The following TMED7 variants were observed in gnomAD, a reference collection of about 807,000 sequenced individuals.
TMED7 encodes the protein transmembrane p24 trafficking protein 7, also known as transmembrane emp24 domain-containing protein 7.
In TMED7, 8 loss-of-function variants were observed where a neutral mutation model predicts 23.4. The ratio of observed to expected loss-of-function variants is 0.34; its 90% CI spans 0.20 to 0.62. The LOEUF (loss-of-function observed/expected upper bound fraction) is 0.62. Ranked by LOEUF, TMED7 falls within the 20% of genes least tolerant of loss-of-function variation. The pLI is 0.77. For synonymous variants in TMED7, 121 were observed against 108.5 expected, an observed-to-expected ratio of 1.12 and a Z score of -0.72; for missense variants, 232 against 279.1, an observed-to-expected ratio of 0.83 and a Z score of 1.20.
At chr5:115,616,839 T>G (rs1465092260) in intron 2 of TMED7, among the ~76,000 whole-genome samples, 1 of 152,136 alleles carries the variant, frequency 6.6e-6, no homozygotes, top group Non-Finnish European at 1.5e-5. Flanking sequence ...AATGAGAATA[T>G]AAGTCAAAGC....
At chr5:115,625,552 A>G (rs1239394640) in intron 1 of TMED7, 49 bp downstream of exon 1, 1 of 1,472,082 alleles carries the variant, frequency 6.8e-7, no homozygotes. Context: ...TTACACCCCC[A>G]ATCCTGGAGC....
rs1351829326 is a variant in TMED7 at position 115,616,083 on chromosome 5, T to A, written c.*126A>T. ...ACAGTTTGGGAATATGCATTGTACA[T>A]CCCTCCCAACAAGTGTATGAGTAAG... On this transcript the variant is annotated 3_prime_UTR_variant, in exon 3 of 3. Transcript: ENST00000456936. The A allele has an allele frequency of 1.1e-6, 1 of 916,950 alleles. No homozygotes were observed. The highest frequency in any genetic ancestry group is 1.7e-5 in the African/African-American group (1 of 59,594). The allele number at this position is 916,950 out of a possible 1,614,324, so 56.8% of individuals were successfully genotyped here.
chr5:115,616,188 G>T lies in TMED7; in HGVS notation c.*21C>A, dbSNP rs1040253800. On this transcript the variant is annotated 3_prime_UTR_variant, in exon 3 of 3. Coordinates refer to ENST00000456936, the MANE Select transcript of TMED7 (RefSeq NM_181836.6). ...ACAGCAATATTACAGTGGCAATGGT[G>T]CATCAATTCTCAAAACGTAGTTATG... 2 of 1,602,834 alleles carry T rather than the reference G, an allele frequency of 1.2e-6. No homozygotes were observed. The highest frequency in any genetic ancestry group is 1.7e-6 in the Non-Finnish European group (2 of 1,169,874).
At position 115,625,774 on chromosome 5, in the gene TMED7, C is replaced by G. The variant is rs1757193626; in HGVS notation, c.19G>C (p.Ala7Pro). The G allele has an allele frequency of 6.9e-7, 1 of 1,459,116 alleles. No individual in the cohort carries two copies. Among genetic ancestry groups the G allele is most frequent in the Non-Finnish European group, 9.0e-7 (1 of 1,109,520 alleles). The allele number at this position is 1,459,116 out of a possible 1,614,324, so 90.4% of individuals were successfully genotyped here. The stretch of plus-strand genomic sequence containing the variant: ...CCCGCGACGGCCGCCCAGCGCTGCG[C>G]GGACCCCGGCCGCGGCATCCCGAGA... Reference protein sequence around the residue: MPRPGSAQRWAAVAGRW... With the variant: MPRPGSPQRWAAVAGRW... The change falls in exon 1 of 3, where the codon GCG becomes CCG. Residue 7 changes from alanine to proline, a missense_variant. Coordinates refer to ENST00000456936, the MANE Select transcript of TMED7 (RefSeq NM_181836.6).
intron 1 of TMED7, among the ~76,000 whole-genome samples, chr5:115,622,337 A>G (rs1580457728): frequency 6.6e-6 from 1 of 152,160 alleles, no homozygotes; most frequent in Non-Finnish European, 1.5e-5. Flanking sequence ...AACTGTCCCT[A>G]TCTATCCATA....
chr5:115,624,247 C>T (rs72817141), intron 1 of TMED7, among the ~76,000 whole-genome samples: 2,326 of 152,264 alleles, frequency 0.015, 36 homozygotes, highest in Non-Finnish European at 0.02. Flanking sequence ...TGGTGCTAAT[C>T]CATGAAGGTA....
In TMED7 at chr5:115,625,636, T is replaced by C. The variant is rs1414601432; in HGVS notation, c.157A>G (p.Ile53Val). The change falls in exon 1 of 3, where the codon ATC becomes GTC. Residue 53 changes from isoleucine (I) to valine (V), a missense_variant. Around this residue, in one of 2 missense-constraint regions of TMED7, gnomAD observed 106 missense variants for 97.0 expected, o/e 1.09. Coordinates refer to ENST00000456936, the MANE Select transcript of TMED7 (RefSeq NM_181836.6). Reference sequence around the variant, plus strand: ...AGGGTGCACTTGGTGCCCTGAGCGATGTCCTCGTAGAAGCACTGCTTGGCG... The same window carrying C: ...AGGGTGCACTTGGTGCCCTGAGCGACGTCCTCGTAGAAGCACTGCTTGGCG... The part of the protein sequence containing the change: ...DNAKQCFYED[I>V]AQGTKCTLEF... 6.2e-7 allele frequency: 1 copy of C among 1,600,684 alleles called. No individual in the cohort carries two copies. Among genetic ancestry groups the C allele is most frequent in the Non-Finnish European group, 8.5e-7 (1 of 1,174,136 alleles).
chr5:115,625,716 A>G lies in TMED7; in HGVS notation c.77T>C (p.Leu26Pro), dbSNP rs1561592775. ...GGCGCCGCCGGGTCCAGGCACCAGT[A>G]GCAGCAGTGCGAGCAGCCTGCACCC... Reference protein sequence around the residue: ...RWGCRLLALLLLVPGPGGASE... With the variant: ...RWGCRLLALLPLVPGPGGASE... The change falls in exon 1 of 3, where the codon CTA (leucine) becomes CCA (proline). Residue 26 changes from leucine (L) to proline (P), a missense_variant. By Grantham distance (98) the Leu-to-Pro change is moderately conservative. This residue lies in a region of TMED7 where 106 missense variants were observed against 97.0 expected (regional missense o/e 1.09). Coordinates refer to ENST00000456936, the MANE Select transcript of TMED7 (RefSeq NM_181836.6). 2 of 1,599,986 alleles carry G rather than the reference A, an allele frequency of 1.3e-6. No homozygotes were observed. Among genetic ancestry groups the G allele is most frequent in the Non-Finnish European group, 1.7e-6 (2 of 1,174,590 alleles).
chr5:115,625,661 G>T lies in TMED7; in HGVS notation c.132C>A (p.Asn44Lys). ...TGTCCTCGTAGAAGCACTGCTTGGC[G>T]TTGTCAGGAAGCTCGAAGGTGATCT... ...ASEITFELPD[N>K]AKQCFYEDIA... The change falls in exon 1 of 3, where the codon AAC (asparagine) becomes AAA (lysine). Residue 44 changes from asparagine (N) to lysine (K), a missense_variant. Around this residue, in one of 2 missense-constraint regions of TMED7, gnomAD observed 106 missense variants for 97.0 expected, o/e 1.09. Coordinates refer to ENST00000456936, the MANE Select transcript of TMED7 (RefSeq NM_181836.6). The T allele has an allele frequency of 4.4e-6, 7 of 1,602,754 alleles. No homozygotes were observed. Among genetic ancestry groups the T allele is most frequent in the Non-Finnish European group, 6.0e-6 (7 of 1,175,298 alleles).
Position 115,620,446 on chromosome 5 carries a change from C to A in TMED7, c.427G>T (p.Ala143Ser). The A allele has an allele frequency of 6.5e-7, 1 of 1,527,406 alleles. No individual in the cohort carries two copies. Among genetic ancestry groups the A allele is most frequent in the Non-Finnish European group, 8.8e-7 (1 of 1,140,054 alleles). The allele number at this position is 1,527,406 out of a possible 1,614,324, so 94.6% of individuals were successfully genotyped here. A position where few individuals can be genotyped will look rare whatever the true frequency, so the allele number is the denominator to read the frequency against. ...ATTTTTTTATTTACCTGGGTAAGAG[C>A]ACTGACTCGGTTCTCACTAGGAAAC... is the stretch of plus-strand genomic sequence containing the variant. ...PLFPSENRVS[A>S]LTQMESACVS... The change falls in exon 2 of 3, where the codon GCT (alanine) becomes TCT (serine). Residue 143 changes from alanine to serine, a missense_variant. Physicochemically the swap from Ala to Ser is moderately conservative, Grantham distance 99. Transcript: ENST00000456936.
Position 115,621,199 on chromosome 5 carries a change from T to A in TMED7, c.193-519A>T, listed in dbSNP as rs187951538. Among the ~76,000 whole-genome samples, 7 of 152,288 alleles carry A rather than the reference T, an allele frequency of 4.6e-5. No individual in the cohort carries two copies. The East Asian group carries it at 1.2e-3, about 25-fold the overall frequency. On this transcript the variant is annotated intron_variant, in intron 1 of 2. Coordinates refer to ENST00000456936, the MANE Select transcript of TMED7 (RefSeq NM_181836.6). Reference sequence around the variant, plus strand: ...TAACAAGGTAGGCCAATCCTTAGGATTACACCCCATTCATACTTCTATCAT... The same window carrying A: ...TAACAAGGTAGGCCAATCCTTAGGAATACACCCCATTCATACTTCTATCAT...
intron 1 of TMED7, among the ~76,000 whole-genome samples, chr5:115,622,224 C>G (rs1757054873): frequency 6.6e-6 from 1 of 152,124 alleles, no homozygotes. Flanking sequence ...TTATCATCAC[C>G]CCACTTCTCT....
In TMED7 at chr5:115,625,870, G is replaced by A; in HGVS notation, c.-78C>T. On this transcript the variant is annotated 5_prime_UTR_variant, in exon 1 of 3. Transcript: ENST00000456936. ...TGCGCGGACTCACCGCGCGCGGCAGGCCTCAGCGCAGGCCACCCCGCAAAG... is the reference window on the plus strand; with the variant it reads ...TGCGCGGACTCACCGCGCGCGGCAGACCTCAGCGCAGGCCACCCCGCAAAG... 1 of 1,329,948 alleles carries A rather than the reference G, an allele frequency of 7.5e-7. No individual in the cohort carries two copies. The highest frequency in any genetic ancestry group is 9.6e-7 in the Non-Finnish European group (1 of 1,047,048). The allele number at this position is 1,329,948 out of a possible 1,614,324, so 82.4% of individuals were successfully genotyped here.
At chr5:115,623,242 C>T (rs571780111) in intron 1 of TMED7, among the ~76,000 whole-genome samples, 1 of 152,328 alleles carries the variant, frequency 6.6e-6, no homozygotes, top group East Asian at 1.9e-4. Context: ...AGATCTGGAA[C>T]CACCCAAGTG....
rs1429647054 is a variant in TMED7, at chr5:115,613,263, C to T, written c.*2946G>A. ...AAAAATTAAGACCTCTTTAGAGCAA[C>T]TGATGATTTAACTGCTTTTCACCTA... On this transcript the variant is annotated 3_prime_UTR_variant, in exon 3 of 3. Transcript: ENST00000456936. Among the ~76,000 whole-genome samples, 1 of 152,144 alleles carries T rather than the reference C, an allele frequency of 6.6e-6. No homozygotes were observed. Among genetic ancestry groups the T allele is most frequent in the East Asian group, 1.9e-4 (1 of 5,198 alleles).
At position 115,625,116 on chromosome 5, in the gene TMED7, C is replaced by T. The variant is rs539774443; in HGVS notation, c.192+485G>A. ...TATCACAGCAATTCTTTCTACAACT[C>T]CCTTGGCAAATGGCCGTTCAACCTG... On this transcript the variant is annotated intron_variant, in intron 1 of 2. Coordinates refer to ENST00000456936, the MANE Select transcript of TMED7 (RefSeq NM_181836.6). Among the ~76,000 whole-genome samples the T allele has an allele frequency of 3.3e-5, 5 of 152,356 alleles. No individual in the cohort carries two copies. In the East Asian group the frequency reaches 9.6e-4, roughly 29 times the overall value.
At position 115,616,211 on chromosome 5, in the gene TMED7, A is replaced by C; in HGVS notation, c.673T>G (p.Ter225GluextTer6). 6.2e-7 allele frequency: 1 copy of C among 1,613,812 alleles called. No homozygotes were observed. The highest frequency in any genetic ancestry group is 8.5e-7 in the Non-Finnish European group (1 of 1,179,680). ...KRTTTTRVGS[*>E] The stretch of plus-strand genomic sequence containing the variant: ...GTGCATCAATTCTCAAAACGTAGTT[A>C]TGATCCAACACGAGTTGTGGTGGTT... Residue 225 changes from the stop codon to glutamate (E), a stop_lost, in exon 3 of 3, where the codon TAA becomes GAA. Transcript: ENST00000456936.
chr5:115,621,999 CTG>C (rs1277368398), intron 1 of TMED7, among the ~76,000 whole-genome samples: 2 of 152,058 alleles, frequency 1.3e-5, no homozygotes, highest in Non-Finnish European at 2.9e-5. Context: ...ACTTATGAAA[CTG>C]TAAAAATATG....
In TMED7 at chr5:115,614,622, C is replaced by T. The variant is rs1041268654; in HGVS notation, c.*1587G>A. The T allele has an allele frequency of 6.6e-6, 1 of 152,046 alleles. No homozygotes were observed. Among genetic ancestry groups the T allele is most frequent in the African/African-American group, 2.4e-5 (1 of 41,422 alleles). 9.4% of individuals were successfully genotyped at this position (152,046 alleles called of 1,614,324 possible). A position where few individuals can be genotyped will look rare whatever the true frequency, so the allele number is the denominator to read the frequency against. On this transcript the variant is annotated 3_prime_UTR_variant, in exon 3 of 3. Coordinates refer to ENST00000456936, the MANE Select transcript of TMED7 (RefSeq NM_181836.6). ...TAAGGAGTAGCTGGTCTTCAAACAC[C>T]GTAAAAAGTTAAAGGGTTGAAAACA...
Sources: allele counts gnomAD v4.1 joint callset (sites outside exome capture counted in the v4.1 genomes callset), GRCh38; gene constraint gnomAD v4.1.1; regional missense constraint gnomAD v4.1.1; transcripts MANE v1.5; gene names NCBI Gene and HGNC (gene_info 2026-07-23, HGNC 2026-07-21).